The following SYCP2 variants were observed in gnomAD, a reference collection of about 807,000 sequenced individuals.
SYCP2 encodes the protein synaptonemal complex protein 2.
In SYCP2, 55 loss-of-function variants were observed where a neutral mutation model predicts 211.3. The ratio of observed to expected loss-of-function variants is 0.26; its 90% CI spans 0.21 to 0.33. The LOEUF is 0.33. Ranked by LOEUF, SYCP2 falls within the 10% of genes least tolerant of loss-of-function variation. The probability of loss-of-function intolerance (pLI) is 1.00; values close to 1 mark genes in which losing one functional copy is unlikely to be tolerated. For synonymous variants in SYCP2, 570 were observed against 555.2 expected, an observed-to-expected ratio of 1.03 and a Z score of -0.37; for missense variants, 1,731 against 1,752.0, an observed-to-expected ratio of 0.99 and a Z score of 0.21.
rs777561247 is a variant in SYCP2 at position 59,877,426 on chromosome 20, G to C, written c.3109C>G (p.Gln1037Glu). The C allele has an allele frequency of 2.5e-6, 4 of 1,596,142 alleles. No homozygotes were observed. The East Asian group carries it at 6.7e-5, about 27-fold the overall frequency. The change falls in exon 33 of 45, where the codon CAA (glutamine) becomes GAA (glutamate). Residue 1037 changes from glutamine (Q) to glutamate (E), a missense_variant. Gln to Glu is a conservative substitution (Grantham distance 29). This residue lies in a region of SYCP2 where 1,387 missense variants were observed against 1,351.3 expected (regional missense o/e 1.03). Coordinates refer to ENST00000357552, the MANE Select transcript of SYCP2 (RefSeq NM_014258.4). ...DLSNSESECE[Q>E]EFSHSFKENI... ...TCTTTAAATGAATGTGAAAATTCTTGTTCACACTCTGATTCTGAATTTGAG... is the reference window on the plus strand; with the variant it reads ...TCTTTAAATGAATGTGAAAATTCTTCTTCACACTCTGATTCTGAATTTGAG...
Position 59,868,931 on chromosome 20 carries a change from A to T in SYCP2, c.3742-6T>A. 6.3e-7 allele frequency: 1 copy of T among 1,591,848 alleles called. No individual in the cohort carries two copies. Among genetic ancestry groups the T allele is most frequent in the Non-Finnish European group, 8.6e-7 (1 of 1,169,340 alleles). ...GAAGATGCTAAATGACTTTCCTAAA[A>T]TACGTATTAGAAATTAGAAAAAAAT... is the stretch of plus-strand genomic sequence containing the variant. On this transcript the variant is annotated splice_region_variant and splice_polypyrimidine_tract_variant and intron_variant, in intron 36 of 44. Transcript: ENST00000357552.
At chr20:59,900,332 A>T (rs1290767671) in intron 17 of SYCP2, 48 bp from the exon 18 acceptor site, 3 of 1,476,072 alleles carry the variant, frequency 2.0e-6, no homozygotes, top group Non-Finnish European at 2.7e-6. Context: ...CAAACCACAG[A>T]AAGTAATCAA....
chr20:59,867,848 C>CT lies in SYCP2; in HGVS notation c.3989-2dup, dbSNP rs536374847. 97 of 1,594,962 alleles carry CT rather than the reference C, an allele frequency of 6.1e-5. No homozygotes were observed. Among genetic ancestry groups the CT allele is most frequent in the Non-Finnish European group, 7.9e-5 (93 of 1,170,900 alleles). On this transcript the variant is annotated splice_acceptor_variant, in intron 38 of 44. Transcript: ENST00000357552. LOFTEE classifies it high-confidence loss of function. ...GATAATGAAGATACACTTTCAGACA[C>CT]TAAAAAATGAAAACAATCTGCTGAA...
chr20:59,911,062 C>A (rs1264294897), intron 14 of SYCP2, among the ~76,000 whole-genome samples: 1 of 152,078 alleles, frequency 6.6e-6, no homozygotes, highest in Non-Finnish European at 1.5e-5. Flanking sequence ...AGACTAAAGC[C>A]TTATTATAAT....
At chr20:59,911,977 T>C in intron 13 of SYCP2, 132 bp from the exon 14 acceptor site, 1 of 465,160 alleles carries the variant, frequency 2.1e-6, no homozygotes, top group Non-Finnish European at 3.8e-6. Context: ...CAGACAAGTA[T>C]AATATTTAGA....
intron 26 of SYCP2, among the ~76,000 whole-genome samples, chr20:59,883,660 TATAGACATAAGATAATAA>T (rs774990697): frequency 6.6e-6 from 1 of 151,444 alleles, no homozygotes; most frequent in Non-Finnish European, 1.5e-5. Flanking sequence ...ATGTCAAATC[TATAGACATAAGATAATAA>T]AACAGTGGTC....
At chr20:59,875,531 A>C (rs2059538080) in intron 33 of SYCP2, 62 bp from the exon 34 acceptor site, 2 of 1,226,782 alleles carry the variant, frequency 1.6e-6, no homozygotes, top group Non-Finnish European at 2.3e-6. Context: ...TGGACACATA[A>C]AACAAATTAT....
intron 7 of SYCP2, among the ~76,000 whole-genome samples, chr20:59,917,126 G>A (rs977271710): frequency 1.3e-5 from 2 of 151,618 alleles, no homozygotes; most frequent in Non-Finnish European, 2.9e-5. Context: ...ACATAAGGAG[G>A]TATTTATTTT....
chr20:59,868,903 A>G lies in SYCP2; in HGVS notation c.3764T>C (p.Leu1255Ser). The change falls in exon 37 of 45, where the codon TTA (leucine) becomes TCA (serine). Residue 1255 changes from leucine to serine, a missense_variant. By Grantham distance (145) the Leu-to-Ser change is moderately radical. This residue lies in a region of SYCP2 where 1,387 missense variants were observed against 1,351.3 expected (regional missense o/e 1.03). Transcript: ENST00000357552. ...KREESHLASS[L>S]SKSSEGREKT... ...CTCTCTTCCTTCACTAGACTTGGAT[A>G]ATGAAGATGCTAAATGACTTTCCTA... 1 of 1,608,472 alleles carries G rather than the reference A, an allele frequency of 6.2e-7. No individual in the cohort carries two copies. The highest frequency in any genetic ancestry group is 8.5e-7 in the Non-Finnish European group (1 of 1,177,034).
chr20:59,932,538 GGT>G (rs1435144770), intron 1 of SYCP2, among the ~76,000 whole-genome samples: 1 of 152,154 alleles, frequency 6.6e-6, no homozygotes, highest in African/African-American at 2.4e-5. Context: ...AGCTGGGCGT[GGT>G]GGCGCGCCAA....
Position 59,922,429 on chromosome 20 carries a change from A to T in SYCP2, c.-16T>A. 1.4e-6 allele frequency: 2 copies of T among 1,390,158 alleles called. No individual in the cohort carries two copies. The highest frequency in any genetic ancestry group is 1.9e-6 in the Non-Finnish European group (2 of 1,035,556). The allele number at this position is 1,390,158 out of a possible 1,614,324, so 86.1% of individuals were successfully genotyped here. On this transcript the variant is annotated 5_prime_UTR_variant, in exon 3 of 45. Coordinates refer to ENST00000357552, the MANE Select transcript of SYCP2 (RefSeq NM_014258.4). ...TTATTGGCATTTTGACTTCATTTAAAAAAAAAAAAAAAGCAAGACAAAATA... is the reference window on the plus strand; with the variant it reads ...TTATTGGCATTTTGACTTCATTTAATAAAAAAAAAAAAGCAAGACAAAATA...
intron 26 of SYCP2, 113 bp from the exon 27 acceptor site, chr20:59,882,278 T>A: frequency 1.3e-6 from 1 of 774,574 alleles, no homozygotes. Context: ...CTCACCTCAG[T>A]TAAAATGGCT....
Position 59,882,207 on chromosome 20 carries a change from G to T in SYCP2, c.2530-42C>A, listed in dbSNP as rs753882250. 6 of 1,443,880 alleles carry T rather than the reference G, an allele frequency of 4.2e-6. No individual in the cohort carries two copies. The East Asian group carries it at 1.2e-4, about 28-fold the overall frequency. 89.4% of individuals were successfully genotyped at this position (1,443,880 alleles called of 1,614,324 possible). ...AAAAAAATCATTAAATGGCTAACAG[G>T]TATATGAAAAAATGCTCAACAGCAC... On this transcript the variant is annotated intron_variant, in intron 26 of 44. Coordinates refer to ENST00000357552, the MANE Select transcript of SYCP2 (RefSeq NM_014258.4).
intron 20 of SYCP2, among the ~76,000 whole-genome samples, chr20:59,895,202 C>T (rs1204150516): frequency 6.6e-6 from 1 of 151,978 alleles, no homozygotes; most frequent in Non-Finnish European, 1.5e-5. Context: ...ATTTATGCTC[C>T]CAAATGTGTA....
At chr20:59,878,741 G>C (rs141795638) in intron 31 of SYCP2, among the ~76,000 whole-genome samples, 2 of 151,908 alleles carry the variant, frequency 1.3e-5, no homozygotes, top group Middle Eastern at 3.2e-3. Context: ...AATATCCTAC[G>C]ATTTATTTTC....
intron 18 of SYCP2, among the ~76,000 whole-genome samples, chr20:59,898,660 T>C (rs1373973769): frequency 6.6e-6 from 1 of 152,078 alleles, no homozygotes; most frequent in Non-Finnish European, 1.5e-5. Context: ...TGTATACCTA[T>C]GTAACAAACT....
At chr20:59,882,832 G>C (rs2059712350) in intron 26 of SYCP2, among the ~76,000 whole-genome samples, 1 of 151,982 alleles carries the variant, frequency 6.6e-6, no homozygotes, top group Non-Finnish European at 1.5e-5. Context: ...TATATTACCA[G>C]TGAAATGTAC....
intron 2 of SYCP2, among the ~76,000 whole-genome samples, chr20:59,929,541 G>A (rs1276251066): frequency 6.6e-6 from 1 of 152,102 alleles, no homozygotes; most frequent in Non-Finnish European, 1.5e-5. Flanking sequence ...GGTGAGTGAT[G>A]CAACTGAATT....
chr20:59,910,371 C>CTTTTTTTTTT (rs1300245848), intron 14 of SYCP2, among the ~76,000 whole-genome samples: 2 of 119,198 alleles, frequency 1.7e-5, no homozygotes, highest in African/African-American at 4.0e-5. Context: ...AGTGTAATTG[C>CTTTTTTTTTT]TTATTTTTTT....
Sources: allele counts gnomAD v4.1 joint callset (sites outside exome capture counted in the v4.1 genomes callset), GRCh38; gene constraint gnomAD v4.1.1; regional missense constraint gnomAD v4.1.1; transcripts MANE v1.5; gene names NCBI Gene and HGNC (gene_info 2026-07-23, HGNC 2026-07-21).